The following DNAJC12 variants were observed in gnomAD, a reference collection of about 807,000 sequenced individuals.
DNAJC12 encodes DnaJ heat shock protein family (Hsp40) member C12.
Under a neutral mutation model 28.5 loss-of-function variants are expected in DNAJC12, and 25 were observed. That is an observed-to-expected ratio of 0.88 (90% CI 0.64 to 1.22). The LOEUF (loss-of-function observed/expected upper bound fraction) is 1.22. Ranked by LOEUF, DNAJC12 falls within the 50% of genes most tolerant of loss-of-function variation. DNAJC12 has a pLI of 0.00. For missense variants in DNAJC12, 222 were observed against 231.7 expected (o/e 0.96, Z 0.27); for synonymous variants, 77 against 80.6 (o/e 0.95, Z 0.24).
At chr10:67,836,196 C>T (rs935841448) in intron 1 of DNAJC12, among the ~76,000 whole-genome samples, 4 of 146,426 alleles carry the variant, frequency 2.7e-5, no homozygotes, top group East Asian at 4.7e-4. Context: ...CGGGGCCTGT[C>T]GGGGGGTGGG....
intron 2 of DNAJC12, among the ~76,000 whole-genome samples, chr10:67,820,023 T>A (rs1040320157): frequency 6.6e-6 from 1 of 152,150 alleles, no homozygotes; most frequent in African/African-American, 2.4e-5. Context: ...TCTTGTTAGA[T>A]GGGACACATG....
intron 2 of DNAJC12, among the ~76,000 whole-genome samples, chr10:67,814,578 C>T (rs373573210): frequency 3.2e-4 from 49 of 152,182 alleles, no homozygotes; most frequent in Non-Finnish European, 5.1e-4. Flanking sequence ...AAATGACAAA[C>T]CATGGAATGG....
chr10:67,819,682 G>GAA (rs1308094935), intron 2 of DNAJC12, among the ~76,000 whole-genome samples: 1 of 13,682 alleles, frequency 7.3e-5, no homozygotes, highest in African/African-American at 3.0e-4. Flanking sequence ...AAGAAAGAAA[G>GAA]AAAGAAAGAA....
At chr10:67,816,534 G>T (rs1455043986) in intron 2 of DNAJC12, among the ~76,000 whole-genome samples, 1 of 123,814 alleles carries the variant, frequency 8.1e-6, no homozygotes, top group Admixed American at 1.1e-4. Context: ...TTAGTCTGAA[G>T]TTTACTTTCT....
chr10:67,830,124 G>A (rs1842078292), intron 1 of DNAJC12, among the ~76,000 whole-genome samples: 1 of 151,294 alleles, frequency 6.6e-6, no homozygotes, highest in African/African-American at 2.4e-5. Flanking sequence ...GAACAGCCTG[G>A]CCAATTGCCA....
At position 67,814,923 on chromosome 10, in the gene DNAJC12, C is replaced by A. The variant is rs1014599943; in HGVS notation, c.158-3260G>T. 2.6e-5 allele frequency among the ~76,000 whole-genome samples: 4 copies of A among 152,290 alleles called. No homozygotes were observed. The South Asian group carries it at 8.3e-4, about 32-fold the overall frequency. ...GTGGGAATGTAAAGTGGTATATAGT[C>A]ACTTTGAAAAGTAGTTTGGCTGTTC... On this transcript the variant is annotated intron_variant, in intron 2 of 4. Coordinates refer to ENST00000225171, the MANE Select transcript of DNAJC12 (RefSeq NM_021800.3).
intron 2 of DNAJC12, among the ~76,000 whole-genome samples, chr10:67,817,135 G>A (rs930993428): frequency 3.3e-5 from 5 of 152,036 alleles, no homozygotes; most frequent in Admixed American, 6.6e-5. Context: ...TTTACCTTGG[G>A]CTGCTACATA....
intron 2 of DNAJC12, among the ~76,000 whole-genome samples, chr10:67,820,731 A>G (rs1841973009): frequency 6.6e-6 from 1 of 152,058 alleles, no homozygotes; most frequent in Non-Finnish European, 1.5e-5. Flanking sequence ...GAGAAAATTA[A>G]TAAAGAACCT....
At chr10:67,802,870 T>TGTGA (rs553939445) in intron 4 of DNAJC12, among the ~76,000 whole-genome samples, 1,778 of 147,760 alleles carry the variant, frequency 0.012, 42 homozygotes, top group African/African-American at 0.043. Flanking sequence ...TGTGTGTGTG[T>TGTGA]GACAGGATCT....
At chr10:67,805,038 G>C (rs1009204415) in intron 4 of DNAJC12, among the ~76,000 whole-genome samples, 15 of 151,554 alleles carry the variant, frequency 9.9e-5, no homozygotes, top group African/African-American at 3.6e-4. Context: ...TCTCAAAAAA[G>C]AAAAAAAATT....
At chr10:67,813,577 G>A (rs1474351041) in intron 2 of DNAJC12, among the ~76,000 whole-genome samples, 18 of 147,688 alleles carry the variant, frequency 1.2e-4, no homozygotes, top group East Asian at 1.0e-3. Flanking sequence ...GTGAAACCCC[G>A]TCTCTACTAA....
intron 1 of DNAJC12, among the ~76,000 whole-genome samples, chr10:67,831,256 A>G (rs1842091112): frequency 6.6e-6 from 1 of 152,240 alleles, no homozygotes; most frequent in Non-Finnish European, 1.5e-5. Context: ...ATACAGATAT[A>G]GCATATATGC....
chr10:67,836,548 T>G (rs1476769311), intron 1 of DNAJC12, among the ~76,000 whole-genome samples: 1 of 152,216 alleles, frequency 6.6e-6, no homozygotes, highest in African/African-American at 2.4e-5. Flanking sequence ...TAATTTCAAC[T>G]GTGAATAACA....
In DNAJC12 at chr10:67,801,836, CTTTTTTTTTTT is replaced by C. The variant is rs577511924; in HGVS notation, c.502+3736_502+3746del. On this transcript the variant is annotated intron_variant, in intron 4 of 4. Coordinates refer to ENST00000225171, the MANE Select transcript of DNAJC12 (RefSeq NM_021800.3). ...TGATTCCCATCCCCTCCACTTCATT[CTTTTTTTTTTT>C]TTTTTTTTTTTTTTTTTTTTTTTTG... Among the ~76,000 whole-genome samples the C allele has an allele frequency of 3.1e-4, 8 of 26,130 alleles. No individual in the cohort carries two copies. The South Asian group carries it at 8.5e-3, about 28-fold the overall frequency. The allele number at this position is 26,130 out of a possible 152,430, so 17.1% of individuals were successfully genotyped here. A position where few individuals can be genotyped will look rare whatever the true frequency, so the allele number is the denominator to read the frequency against.
At chr10:67,819,757 AGGAAGGAAGGAAGGAAGGAAGG>A (rs1564863512) in intron 2 of DNAJC12, among the ~76,000 whole-genome samples, 270 of 16,068 alleles carry the variant, frequency 0.017, 30 homozygotes, top group African/African-American at 0.046. Context: ...GAAGGAAGGA[AGGAAGGAAGGAAGGAAGGAAGG>A]GGAAGGAAGG....
intron 1 of DNAJC12, among the ~76,000 whole-genome samples, chr10:67,828,648 A>G (rs1342462497): frequency 1.4e-5 from 2 of 138,376 alleles, no homozygotes; most frequent in African/African-American, 5.3e-5. Flanking sequence ...AGTGTTAAAT[A>G]TTCTATTTTC....
intron 4 of DNAJC12, among the ~76,000 whole-genome samples, chr10:67,799,903 G>T (rs1841723640): frequency 7.2e-6 from 1 of 139,630 alleles, no homozygotes; most frequent in East Asian, 2.2e-4. Context: ...GTAGTTTCTA[G>T]TTAGGGTTCC....
Position 67,837,945 on chromosome 10 carries a change from C to T in DNAJC12, c.67G>A (p.Glu23Lys). The T allele has an allele frequency of 6.2e-7, 1 of 1,601,648 alleles. No homozygotes were observed. Among genetic ancestry groups the T allele is most frequent in the Non-Finnish European group, 8.5e-7 (1 of 1,172,672 alleles). Residue 23 changes from glutamate (E) to lysine (K), a missense_variant, in exon 1 of 5, where the codon GAA (glutamate) becomes AAA (lysine). Coordinates refer to ENST00000225171, the MANE Select transcript of DNAJC12 (RefSeq NM_021800.3). ...ATCCACTGTCTTACCGAAGATAGTT[C>T]ATCACATCCCAGTAATGTGTAGTAA... Reference protein sequence around the residue: ...EDYYTLLGCDELSSVEQILAE... With the variant: ...EDYYTLLGCDKLSSVEQILAE...
chr10:67,804,300 AT>A (rs1291405379), intron 4 of DNAJC12, among the ~76,000 whole-genome samples: 1 of 152,168 alleles, frequency 6.6e-6, no homozygotes, highest in Non-Finnish European at 1.5e-5. Context: ...TGTGCTAAGC[AT>A]TTTTTATGTA....
Sources: gnomAD v4.1 joint callset for allele counts (sites outside exome capture counted in the v4.1 genomes callset) on GRCh38, gnomAD v4.1.1 for gene constraint, MANE v1.5 for transcripts, NCBI Gene and HGNC (gene_info 2026-07-23, HGNC 2026-07-21) for gene names.